Variants in NEDD4L observed in about 807,000 individuals in gnomAD.
NEDD4L encodes E3 ubiquitin-protein ligase NEDD4-like.
A neutral mutation model predicts 148.9 loss-of-function variants in NEDD4L; 54 were observed. The observed-to-expected ratio is 0.36, with a 90% confidence interval of 0.29 to 0.45. NEDD4L has a LOEUF of 0.45. Ranked by LOEUF, NEDD4L falls within the 20% of genes least tolerant of loss-of-function variation. NEDD4L has a pLI of 1.00. For synonymous variants in NEDD4L, 433 were observed against 440.7 expected, an observed-to-expected ratio of 0.98 and a Z score of 0.22; for missense variants, 856 against 1,233.8, an observed-to-expected ratio of 0.69 and a Z score of 4.59.
In NEDD4L at chr18:58,224,581, A is replaced by C. The variant is rs368862185; in HGVS notation, c.123-20846A>C. 2.0e-5 allele frequency among the ~76,000 whole-genome samples: 3 copies of C among 152,304 alleles called. No homozygotes were observed. The East Asian group carries it at 5.8e-4, about 29-fold the overall frequency. ...GGTTAATCAGTGAGTGATCTATCTG[A>C]AAGGAATTTGTTCTCTTTGGGCACC... On this transcript the variant is annotated intron_variant, in intron 2 of 30. Transcript: ENST00000400345.
intron 8 of NEDD4L, among the ~76,000 whole-genome samples, chr18:58,324,560 C>G (rs748775502): frequency 1.3e-4 from 20 of 152,250 alleles, no homozygotes; most frequent in Non-Finnish European, 2.4e-4. Flanking sequence ...CTCATCTTCC[C>G]TGCTCCCTTT....
chr18:58,189,268 G>A (rs1353656273), intron 2 of NEDD4L, among the ~76,000 whole-genome samples: 1 of 152,148 alleles, frequency 6.6e-6, no homozygotes, highest in Non-Finnish European at 1.5e-5. Flanking sequence ...GCCCCAGCTG[G>A]TGCATTCCCC....
At chr18:58,147,641 TAA>T (rs1395866354) in intron 1 of NEDD4L, among the ~76,000 whole-genome samples, 2 of 152,320 alleles carry the variant, frequency 1.3e-5, no homozygotes, top group East Asian at 3.8e-4. Context: ...TCTGCTAATA[TAA>T]GAGGCATCGA....
intron 2 of NEDD4L, among the ~76,000 whole-genome samples, chr18:58,173,559 G>A (rs1288123784): frequency 2.6e-5 from 4 of 152,310 alleles, no homozygotes; most frequent in Middle Eastern, 3.4e-3. Context: ...AACTCTGTGT[G>A]AGGATAGCTC....
intron 1 of NEDD4L, among the ~76,000 whole-genome samples, chr18:58,099,357 G>C (rs1407834690): frequency 3.3e-5 from 5 of 152,122 alleles, no homozygotes; most frequent in Non-Finnish European, 7.3e-5. Flanking sequence ...ATAGCATCTA[G>C]GTCAGTGCCT....
intron 1 of NEDD4L, among the ~76,000 whole-genome samples, chr18:58,088,206 T>C (rs1223330177): frequency 1.3e-5 from 2 of 152,230 alleles, no homozygotes; most frequent in African/African-American, 4.8e-5. Flanking sequence ...CAGTGTCATT[T>C]TATCACATAA....
At chr18:58,120,467 C>T (rs1161523107) in intron 1 of NEDD4L, among the ~76,000 whole-genome samples, 1 of 152,186 alleles carries the variant, frequency 6.6e-6, no homozygotes, top group East Asian at 1.9e-4. Flanking sequence ...AATGAGTATG[C>T]AGCAAATGTT....
chr18:58,264,613 C>T (rs1026296409), intron 5 of NEDD4L, among the ~76,000 whole-genome samples: 2 of 152,024 alleles, frequency 1.3e-5, no homozygotes, highest in African/African-American at 2.4e-5. Context: ...CAAATCATTA[C>T]ATACTGAAAT....
chr18:58,128,861 C>T (rs1185949639), intron 1 of NEDD4L, among the ~76,000 whole-genome samples: 3 of 152,280 alleles, frequency 2.0e-5, no homozygotes, highest in African/African-American at 4.8e-5. Context: ...TTGCTGACTG[C>T]GAGCTCACGG....
chr18:58,363,277 T>C (rs1212578902), intron 19 of NEDD4L, among the ~76,000 whole-genome samples: 2 of 152,174 alleles, frequency 1.3e-5, no homozygotes, highest in Non-Finnish European at 2.9e-5. Flanking sequence ...AGTGTAAGGT[T>C]TGGAGTCTGG....
chr18:58,183,973 T>G (rs1022269835), intron 2 of NEDD4L, among the ~76,000 whole-genome samples: 4 of 152,138 alleles, frequency 2.6e-5, no homozygotes, highest in African/African-American at 9.7e-5. Context: ...ATCAAGGCCA[T>G]CCTGGCTAAC....
At chr18:58,121,500 G>T (rs573515736) in intron 1 of NEDD4L, among the ~76,000 whole-genome samples, 1 of 151,926 alleles carries the variant, frequency 6.6e-6, no homozygotes, top group South Asian at 2.1e-4. Context: ...CTCACTGCAG[G>T]CTCAAGCGCT....
At position 58,366,248 on chromosome 18, in the gene NEDD4L, C is replaced by T. The variant is rs369882640; in HGVS notation, c.2063+20C>T. 5 of 1,498,532 alleles carry T rather than the reference C, an allele frequency of 3.3e-6. No individual in the cohort carries two copies. The highest frequency in any genetic ancestry group is 4.6e-6 in the Non-Finnish European group (5 of 1,098,052). 92.8% of individuals were successfully genotyped at this position (1,498,532 alleles called of 1,614,324 possible). A position where few individuals can be genotyped will look rare whatever the true frequency, so the allele number is the denominator to read the frequency against. ...TGCCACGTAAGTATATGGCCACACC[C>T]AGTGTGTGTCCCCCACTGAGACAGT... On this transcript the variant is annotated intron_variant, in intron 21 of 30. Coordinates refer to ENST00000400345, the MANE Select transcript of NEDD4L (RefSeq NM_001144967.3). The surrounding 1 kb of genome is among the most constrained non-coding windows in gnomAD (Gnocchi z 4.2).
At chr18:58,357,922 C>T (rs987050995) in intron 19 of NEDD4L, among the ~76,000 whole-genome samples, 3 of 152,142 alleles carry the variant, frequency 2.0e-5, no homozygotes, top group Non-Finnish European at 4.4e-5. Context: ...TAGAATGGGA[C>T]CACACTCATC....
chr18:58,261,075 C>T (rs1216144347), intron 5 of NEDD4L, among the ~76,000 whole-genome samples: 1 of 152,092 alleles, frequency 6.6e-6, no homozygotes, highest in Non-Finnish European at 1.5e-5. Context: ...ATTTTTTGAT[C>T]AGTATGGCAT....
chr18:58,083,931 A>G (rs947308204), intron 1 of NEDD4L, among the ~76,000 whole-genome samples: 5 of 152,156 alleles, frequency 3.3e-5, no homozygotes, highest in Admixed American at 2.6e-4. Context: ...GGGTTTCACC[A>G]TGTTGGCCGG....
At chr18:58,308,013 T>C (rs553518983) in intron 5 of NEDD4L, among the ~76,000 whole-genome samples, 1 of 152,314 alleles carries the variant, frequency 6.6e-6, no homozygotes, top group East Asian at 1.9e-4. Flanking sequence ...ACACTTATCC[T>C]GGTAAAATTA....
At position 58,383,248 on chromosome 18, in the gene NEDD4L, A is replaced by G. The variant is rs766325095; in HGVS notation, c.2355A>G (p.Thr785=). The G allele has an allele frequency of 3.3e-6, 5 of 1,499,782 alleles. No individual in the cohort carries two copies. The highest frequency in any genetic ancestry group is 1.2e-5 in the South Asian group (1 of 82,864). 92.9% of individuals were successfully genotyped at this position (1,499,782 alleles called of 1,614,324 possible). The change falls in exon 25 of 31, where the codon ACA becomes ACG. Residue 785 remains threonine (T), a splice_region_variant and synonymous_variant. Coordinates refer to ENST00000400345, the MANE Select transcript of NEDD4L (RefSeq NM_001144967.3). The part of the protein sequence containing the change: ...FCIDEENFGQ[T]YQVDLKPNGS... ...TTGTTTTGTCTTTGTAATTACAGACATATCAAGTGGATTTGAAGCCCAATG... is the reference window on the plus strand; with the variant it reads ...TTGTTTTGTCTTTGTAATTACAGACGTATCAAGTGGATTTGAAGCCCAATG...
At chr18:58,087,480 T>A (rs2083816171) in intron 1 of NEDD4L, among the ~76,000 whole-genome samples, 1 of 152,202 alleles carries the variant, frequency 6.6e-6, no homozygotes, top group South Asian at 2.1e-4. Context: ...TTTTCTTTTT[T>A]TCTTTTTAGC....
Sources: gnomAD v4.1 joint callset for allele counts (sites outside exome capture counted in the v4.1 genomes callset) on GRCh38, gnomAD v4.1.1 for gene constraint, Gnocchi (gnomAD v3.1) non-coding constraint, MANE v1.5 for transcripts, NCBI Gene and HGNC (gene_info 2026-07-23, HGNC 2026-07-21) for gene names.